The following CALR variants were observed in gnomAD, a reference collection of about 807,000 sequenced individuals.
CALR encodes the protein calreticulin.
A neutral mutation model predicts 51.1 loss-of-function variants in CALR; 15 were observed. The observed-to-expected ratio is 0.29, with a 90% CI of 0.20 to 0.45. The LOEUF (loss-of-function observed/expected upper bound fraction) is 0.45, where lower values mean the gene tolerates loss of function less well. Ranked by LOEUF, CALR falls within the 20% of genes least tolerant of loss-of-function variation. CALR has a pLI of 1.00. For synonymous variants in CALR, 239 were observed against 205.9 expected (o/e 1.16, Z -1.38); for missense variants, 477 against 530.6 (o/e 0.90, Z 0.99).
At chr19:12,943,514 C>T in intron 7 of CALR, 23 bp from the exon 8 acceptor site, 2 of 1,607,782 alleles carry the variant, frequency 1.2e-6, no homozygotes, top group Non-Finnish European at 1.7e-6. Flanking sequence ...CACCTCTGAC[C>T]ATCCTTCCCA....
At chr19:12,941,377 C>T (rs1243103639) in intron 7 of CALR, among the ~76,000 whole-genome samples, 1 of 152,052 alleles carries the variant, frequency 6.6e-6, no homozygotes, top group African/African-American at 2.4e-5. Context: ...CTCACTGCGC[C>T]CTCCGTCTCC....
At chr19:12,943,668 G>C (rs1458559389) in intron 8 of CALR, 39 bp downstream of exon 8, 4 of 1,614,174 alleles carry the variant, frequency 2.5e-6, no homozygotes, top group African/African-American at 1.3e-5. Flanking sequence ...GGGGCGGGCA[G>C]GGCTGGCAGG....
intron 7 of CALR, among the ~76,000 whole-genome samples, chr19:12,942,518 G>A (rs577207418): frequency 3.3e-5 from 5 of 152,070 alleles, no homozygotes; most frequent in South Asian, 2.1e-4. Flanking sequence ...GAAGTCAGTG[G>A]CCCAAGGTCA....
chr19:12,938,964 G>T (rs1971505346), intron 1 of CALR, 170 bp from the exon 2 acceptor site: 1 of 719,266 alleles, frequency 1.4e-6, no homozygotes. Flanking sequence ...GGGAGTTAGG[G>T]TTAGCCCGAG....
chr19:12,940,734 C>T lies in CALR; in HGVS notation c.817-10C>T. ...TTACTCACCCTTCGGTTTCCTTCTC[C>T]CTTCTGCAGGGTGAGTGGAAGCCCC... On this transcript the variant is annotated splice_polypyrimidine_tract_variant and intron_variant, in intron 6 of 8. Coordinates refer to ENST00000316448, the MANE Select transcript of CALR (RefSeq NM_004343.4). 1.2e-6 allele frequency: 2 copies of T among 1,614,148 alleles called. No homozygotes were observed. Among genetic ancestry groups the T allele is most frequent in the Non-Finnish European group, 1.7e-6 (2 of 1,180,018 alleles).
chr19:12,942,175 T>C (rs541217128), intron 7 of CALR, among the ~76,000 whole-genome samples: 1 of 151,862 alleles, frequency 6.6e-6, no homozygotes, highest in South Asian at 2.1e-4. Flanking sequence ...CTGGCTAACA[T>C]GGTGAATGAA....
At chr19:12,942,581 G>C (rs897014347) in intron 7 of CALR, among the ~76,000 whole-genome samples, 4 of 150,706 alleles carry the variant, frequency 2.7e-5, no homozygotes, top group Non-Finnish European at 5.9e-5. Context: ...TACAGCACCT[G>C]AGTCTCTCCA....
intron 7 of CALR, among the ~76,000 whole-genome samples, chr19:12,942,219 C>CCGGTGT (rs1971558399): frequency 6.6e-6 from 1 of 151,508 alleles, no homozygotes; most frequent in Non-Finnish European, 1.5e-5. Flanking sequence ...AAAAATTTGC[C>CCGGTGT]AGGTGTGGTG....
intron 2 of CALR, 68 bp from the exon 3 acceptor site, chr19:12,939,360 C>CT: frequency 2.6e-6 from 4 of 1,534,802 alleles, no homozygotes; most frequent in Non-Finnish European, 3.6e-6. Context: ...GGAGTCTTCT[C>CT]TATTCTCTAA....
At chr19:12,938,890 AG>A (rs1167048505) in intron 1 of CALR, 120 bp downstream of exon 1, 13 of 855,420 alleles carry the variant, frequency 1.5e-5, no homozygotes, top group Non-Finnish European at 2.5e-5. Context: ...CCGGGACTAG[AG>A]CCGCGGGCGA....
At position 12,940,903 on chromosome 19, in the gene CALR, A is replaced by T. The variant is rs375710146; in HGVS notation, c.960+16A>T. ...CCTCTGGCAGGTGAGACTTGGAGGA[A>T]AAAGGAGGATCCCTGGGGTACCTCA... On this transcript the variant is annotated intron_variant, in intron 7 of 8. Transcript: ENST00000316448. The T allele has an allele frequency of 2.5e-6, 4 of 1,613,736 alleles. No individual in the cohort carries two copies. In the Admixed American group the frequency reaches 6.7e-5, roughly 27 times the overall value.
intron 3 of CALR, 52 bp downstream of exon 3, chr19:12,939,683 C>A: frequency 6.9e-7 from 1 of 1,451,762 alleles, no homozygotes; most frequent in Non-Finnish European, 9.7e-7. Context: ...TAGAGGGAGA[C>A]CCAGACCCCA....
At position 12,938,784 on chromosome 19, in the gene CALR, C is replaced by T. The variant is rs371782062; in HGVS notation, c.91+14C>T. The T allele has an allele frequency of 2.0e-4, 311 of 1,590,904 alleles. 1 individual carries two copies. Among genetic ancestry groups the T allele is most frequent in the Admixed American group, 1.0e-4 (6 of 58,590 alleles). The stretch of plus-strand genomic sequence containing the variant: ...TTCTGGACGGAGGTAACGCCTGGTC[C>T]CGCCTCGAGGCCGCCCCGACGACGC... On this transcript the variant is annotated intron_variant, in intron 1 of 8. Coordinates refer to ENST00000316448, the MANE Select transcript of CALR (RefSeq NM_004343.4).
intron 2 of CALR, 74 bp downstream of exon 2, chr19:12,939,309 C>T (rs1476946453): frequency 4.2e-6 from 6 of 1,422,220 alleles, no homozygotes; most frequent in South Asian, 3.5e-5. Flanking sequence ...CACACACAGC[C>T]GGGACAGTCC....
At position 12,938,783 on chromosome 19, in the gene CALR, C is replaced by T. The variant is rs1174491915; in HGVS notation, c.91+13C>T. On this transcript the variant is annotated intron_variant, in intron 1 of 8. Transcript: ENST00000316448. ...TTTCTGGACGGAGGTAACGCCTGGTCCCGCCTCGAGGCCGCCCCGACGACG... is the reference window on the plus strand; with the variant it reads ...TTTCTGGACGGAGGTAACGCCTGGTTCCGCCTCGAGGCCGCCCCGACGACG... The T allele has an allele frequency of 5.0e-6, 8 of 1,594,284 alleles. No individual in the cohort carries two copies. The highest frequency in any genetic ancestry group is 6.9e-6 in the Non-Finnish European group (8 of 1,167,594).
intron 7 of CALR, among the ~76,000 whole-genome samples, chr19:12,942,223 T>C (rs372277310): frequency 1.3e-5 from 2 of 151,220 alleles, no homozygotes; most frequent in Non-Finnish European, 1.5e-5. Context: ...ATTTGCCAGG[T>C]GTGGTGGTGG....
At chr19:12,939,959 G>A (rs547389192) in intron 3 of CALR, 94 bp from the exon 4 acceptor site, 60 of 919,344 alleles carry the variant, frequency 6.5e-5, no homozygotes, top group Non-Finnish European at 9.0e-5. Context: ...ACAGACCCGA[G>A]TTGAAGAACC....
At chr19:12,939,066 G>C (rs1971507444) in intron 1 of CALR, 68 bp from the exon 2 acceptor site, 4 of 932,500 alleles carry the variant, frequency 4.3e-6, no homozygotes, top group African/African-American at 1.6e-5. Flanking sequence ...TGTGGCTCTC[G>C]GCAGATGTTT....
At chr19:12,939,821 C>T (rs1310269044) in intron 3 of CALR, among the ~76,000 whole-genome samples, 190 bp downstream of exon 3, 1 of 152,048 alleles carries the variant, frequency 6.6e-6, no homozygotes, top group African/African-American at 2.4e-5. Flanking sequence ...ATAGTTATTT[C>T]CCAATCTTAC....
Sources: gnomAD v4.1 joint callset for allele counts (sites outside exome capture counted in the v4.1 genomes callset) on GRCh38, gnomAD v4.1.1 for gene constraint, MANE v1.5 for transcripts, NCBI Gene and HGNC (gene_info 2026-07-23, HGNC 2026-07-21) for gene names.